CDH10: variants seen among roughly 807,000 people sequenced by gnomAD.
CDH10 encodes the protein cadherin 10.
CDH10 carries 30 observed loss-of-function variants against 73.1 expected under a neutral mutation model. The ratio of observed to expected loss-of-function variants is 0.41; its 90% CI spans 0.31 to 0.56. The LOEUF (loss-of-function observed/expected upper bound fraction) is 0.56, where lower values mean the gene tolerates loss of function less well. CDH10 is among the 20% of genes least tolerant of loss of function. The pLI, the probability that CDH10 is intolerant of heterozygous loss-of-function variation, is 0.27. For missense variants in CDH10, 815 were observed against 973.7 expected, an observed-to-expected ratio of 0.84 and a Z score of 2.17; for synonymous variants, 345 against 348.2, an observed-to-expected ratio of 0.99 and a Z score of 0.10.
chr5:24,557,644 T>C (rs16893508), intron 2 of CDH10, among the ~76,000 whole-genome samples: 55,001 of 151,434 alleles, frequency 0.36, 10,452 homozygotes, highest in African/African-American at 0.47. Flanking sequence ...TGCTTATTTC[T>C]AGTCAGTTTA....
At chr5:24,547,620 C>T (rs774090791) in intron 2 of CDH10, among the ~76,000 whole-genome samples, 1 of 152,166 alleles carries the variant, frequency 6.6e-6, no homozygotes, top group Non-Finnish European at 1.5e-5. Context: ...AAGGGCAAGG[C>T]TGAAAGCTTC....
rs2111606069 is a variant in CDH10, at chr5:24,487,926, G to T, written c.2104C>A (p.Pro702Thr). ...ACGTCCGTGTTATCTGGAGCTGTAGGAGTCCTCCGAGGAATAAATAACGTT... is the reference window on the plus strand; with the variant it reads ...ACGTCCGTGTTATCTGGAGCTGTAGTAGTCCTCCGAGGAATAAATAACGTT... ...PETLFIPRRTPTAPDNTDVRD... is the reference protein window; with the variant it reads ...PETLFIPRRTTTAPDNTDVRD... The change falls in exon 12 of 12, where the codon CCT becomes ACT. Residue 702 changes from proline (P) to threonine (T), a missense_variant. By Grantham distance (38) the Pro-to-Thr change is conservative. This residue lies in a region of CDH10 where 241 missense variants were observed against 240.3 expected (regional missense o/e 1.00). Transcript: ENST00000264463. 1 of 1,613,840 alleles carries T rather than the reference G, an allele frequency of 6.2e-7. No individual in the cohort carries two copies. Among genetic ancestry groups the T allele is most frequent in the South Asian group, 1.1e-5 (1 of 91,038 alleles).
chr5:24,509,418 T>C, intron 7 of CDH10, 148 bp downstream of exon 7: 1 of 609,182 alleles, frequency 1.6e-6, no homozygotes, highest in Non-Finnish European at 2.8e-6. Context: ...TTTTTGTATC[T>C]TTAGTAGAGA....
chr5:24,496,375 C>G (rs1239728688), intron 9 of CDH10, among the ~76,000 whole-genome samples: 1 of 152,262 alleles, frequency 6.6e-6, no homozygotes, highest in South Asian at 2.1e-4. Context: ...AGCTAGCCCT[C>G]TGTCCTGTCT....
chr5:24,500,661 T>C (rs955607857), intron 8 of CDH10, among the ~76,000 whole-genome samples: 1 of 152,230 alleles, frequency 6.6e-6, no homozygotes. Flanking sequence ...AATCTCACAG[T>C]TACTTGTAAA....
intron 2 of CDH10, among the ~76,000 whole-genome samples, chr5:24,545,357 A>T (rs1561153444): frequency 6.6e-6 from 1 of 152,226 alleles, no homozygotes; most frequent in Non-Finnish European, 1.5e-5. Context: ...TAAAAGCAAG[A>T]GATTCATTTA....
At chr5:24,572,422 T>C (rs560303355) in intron 2 of CDH10, among the ~76,000 whole-genome samples, 2 of 152,158 alleles carry the variant, frequency 1.3e-5, no homozygotes, top group South Asian at 4.1e-4. Context: ...ATGCTGTAAA[T>C]TTTAAAATAT....
intron 2 of CDH10, among the ~76,000 whole-genome samples, chr5:24,571,281 C>T (rs986518714): frequency 1.3e-5 from 2 of 151,916 alleles, no homozygotes; most frequent in African/African-American, 4.8e-5. Flanking sequence ...AAGGGCAAAA[C>T]ATTTTTAAGA....
intron 2 of CDH10, among the ~76,000 whole-genome samples, chr5:24,582,082 G>C (rs1399741957): frequency 6.6e-6 from 1 of 152,062 alleles, no homozygotes; most frequent in Non-Finnish European, 1.5e-5. Context: ...TCATACTATA[G>C]AACAGCAATT....
At chr5:24,566,737 C>T (rs1384329000) in intron 2 of CDH10, among the ~76,000 whole-genome samples, 1 of 151,946 alleles carries the variant, frequency 6.6e-6, no homozygotes. Context: ...AAATCTAAAA[C>T]TATGTATTTT....
chr5:24,573,024 A>C (rs565171447), intron 2 of CDH10, among the ~76,000 whole-genome samples: 1 of 151,734 alleles, frequency 6.6e-6, no homozygotes, highest in East Asian at 1.9e-4. Flanking sequence ...ACCAGAAAAT[A>C]ATGATAAAAC....
intron 5 of CDH10, among the ~76,000 whole-genome samples, chr5:24,518,691 A>G (rs1743199004): frequency 6.6e-6 from 1 of 151,890 alleles, no homozygotes; most frequent in Non-Finnish European, 1.5e-5. Context: ...AATGAATATC[A>G]TGTTTTTTTC....
intron 2 of CDH10, among the ~76,000 whole-genome samples, chr5:24,543,851 C>T (rs868818254): frequency 6.6e-6 from 1 of 151,998 alleles, no homozygotes; most frequent in South Asian, 2.1e-4. Flanking sequence ...TGGGAGAAAA[C>T]CTTGAATTAA....
rs563138106 is a variant in CDH10, at chr5:24,547,883, T to G, written c.232-10209A>C. On this transcript the variant is annotated intron_variant, in intron 2 of 11. Transcript: ENST00000264463. ...GAAGAGAAAGTAGAAGATACACTGC[T>G]CTTCATGTCAAGCTTAAGTGGCAAA... Among the ~76,000 whole-genome samples the G allele has an allele frequency of 2.7e-3, 416 of 152,270 alleles. 2 individuals are homozygous for G. The highest frequency in any genetic ancestry group is 3.9e-3 in the Non-Finnish European group (264 of 68,022).
chr5:24,622,688 T>G (rs972780679), intron 1 of CDH10, among the ~76,000 whole-genome samples: 4 of 152,132 alleles, frequency 2.6e-5, no homozygotes, highest in Non-Finnish European at 5.9e-5. Flanking sequence ...GATGCGGTAT[T>G]TATTGGTGGT....
chr5:24,617,870 T>C (rs1207689851), intron 1 of CDH10, among the ~76,000 whole-genome samples: 1 of 152,150 alleles, frequency 6.6e-6, no homozygotes, highest in African/African-American at 2.4e-5. Flanking sequence ...ACCCAATTGG[T>C]CATCTTGTGA....
At chr5:24,543,661 A>G (rs1041962230) in intron 2 of CDH10, among the ~76,000 whole-genome samples, 1 of 152,144 alleles carries the variant, frequency 6.6e-6, no homozygotes, top group African/African-American at 2.4e-5. Context: ...TGGAAAATAA[A>G]ACACTGAATC....
At chr5:24,569,183 T>C (rs1359638264) in intron 2 of CDH10, among the ~76,000 whole-genome samples, 2 of 152,124 alleles carry the variant, frequency 1.3e-5, no homozygotes, top group Non-Finnish European at 1.5e-5. Flanking sequence ...ATTCCACTTA[T>C]ATGAATTACT....
chr5:24,581,956 T>A lies in CDH10; in HGVS notation c.231+11304A>T, dbSNP rs961417004. Among the ~76,000 whole-genome samples, 3 of 152,164 alleles carry A rather than the reference T, an allele frequency of 2.0e-5. No individual in the cohort carries two copies. The East Asian group carries it at 5.8e-4, about 29-fold the overall frequency. ...AAAGATATTTTTAAAATTCTAAAAA[T>A]AAGAAGTTAAGATGTTGACATCAAA... On this transcript the variant is annotated intron_variant, in intron 2 of 11. Coordinates refer to ENST00000264463, the MANE Select transcript of CDH10 (RefSeq NM_006727.5).
Sources: gnomAD v4.1 joint callset for allele counts (sites outside exome capture counted in the v4.1 genomes callset) on GRCh38, gnomAD v4.1.1 for gene constraint, gnomAD v4.1.1 regional missense constraint, MANE v1.5 for transcripts, NCBI Gene and HGNC (gene_info 2026-07-23, HGNC 2026-07-21) for gene names.